The following LTBP2 variants were observed in gnomAD, a reference collection of about 807,000 sequenced individuals.
The protein encoded by LTBP2 is latent transforming growth factor beta binding protein 2.
In LTBP2, 103 loss-of-function variants were observed where a neutral mutation model predicts 210.6. That is an observed-to-expected ratio of 0.49 (90% CI 0.42 to 0.58). The LOEUF (loss-of-function observed/expected upper bound fraction) is 0.58, where lower values mean the gene tolerates loss of function less well. Ranked by LOEUF, LTBP2 falls within the 20% of genes least tolerant of loss-of-function variation. The probability of loss-of-function intolerance (pLI) is 0.00; values close to 1 mark genes in which losing one functional copy is unlikely to be tolerated. For missense variants in LTBP2, 2,313 were observed against 2,494.5 expected, an observed-to-expected ratio of 0.93 and a Z score of 1.55; for synonymous variants, 1,007 against 1,015.0, an observed-to-expected ratio of 0.99 and a Z score of 0.15.
At chr14:74,552,736 G>A (rs2087676985) in intron 5 of LTBP2, among the ~76,000 whole-genome samples, 156 bp downstream of exon 5, 1 of 152,172 alleles carries the variant, frequency 6.6e-6, no homozygotes, top group Non-Finnish European at 1.5e-5. Context: ...CACACAGCTA[G>A]GCTGCCAAGT....
chr14:74,523,505 G>A lies in LTBP2; in HGVS notation c.2531-587C>T, dbSNP rs2087235054. ...TGGATGAACTGGTAAGGGAGGTATA[G>A]TGGGTCCTTAAAACCTGTTGAAATA... On this transcript the variant is annotated intron_variant, in intron 15 of 35. Coordinates refer to ENST00000261978, the MANE Select transcript of LTBP2 (RefSeq NM_000428.3). 1.3e-5 allele frequency among the ~76,000 whole-genome samples: 2 copies of A among 152,106 alleles called. 1 individual carries two copies. The highest frequency in any genetic ancestry group is 1.3e-4 in the Admixed American group (2 of 15,264).
At chr14:74,596,540 G>A (rs11845819) in intron 2 of LTBP2, among the ~76,000 whole-genome samples, 2,299 of 152,348 alleles carry the variant, frequency 0.015, 56 homozygotes, top group African/African-American at 0.053. Context: ...GGGTGAGTGT[G>A]GAGATGCCGC....
chr14:74,564,120 TA>T (rs2087843339), intron 3 of LTBP2, among the ~76,000 whole-genome samples: 3 of 53,322 alleles, frequency 5.6e-5, no homozygotes, highest in African/African-American at 7.9e-5. Flanking sequence ...TTTATATATA[TA>T]TATTTATATA....
chr14:74,520,941 C>G (rs375448488), intron 17 of LTBP2, among the ~76,000 whole-genome samples: 12 of 152,276 alleles, frequency 7.9e-5, no homozygotes, highest in East Asian at 5.8e-4. Flanking sequence ...TCACTCATCT[C>G]AGCATCCTCA....
rs1441455461 is a variant in LTBP2, at chr14:74,516,898, C to T, written c.2832G>A (p.Gln944=). 3 of 1,551,972 alleles carry T rather than the reference C, an allele frequency of 1.9e-6. No individual in the cohort carries two copies. Among genetic ancestry groups the T allele is most frequent in the South Asian group, 1.2e-5 (1 of 84,064 alleles). ...GGTACGAGCCCTCGGTGTTGGTGCA[C>T]TGCCCCCCGCTGCACACCCCTGGCT... The part of the protein sequence containing the change: ...CEQPGVCSGG[Q]CTNTEGSYHC... Residue 944 remains glutamine, a synonymous_variant, in exon 18 of 36, where the codon CAG becomes CAA. Transcript: ENST00000261978.
intron 3 of LTBP2, among the ~76,000 whole-genome samples, chr14:74,570,065 G>C (rs1476558461): frequency 6.6e-6 from 1 of 152,202 alleles, no homozygotes; most frequent in African/African-American, 2.4e-5. Context: ...GCAAGGCAGG[G>C]CCTAGGGACC....
intron 26 of LTBP2, 52 bp from the exon 27 acceptor site, chr14:74,506,875 G>T: frequency 8.6e-7 from 1 of 1,156,270 alleles, no homozygotes. Context: ...GTGTGTGTGT[G>T]TGTGCGCGCG....
intron 1 of LTBP2, among the ~76,000 whole-genome samples, chr14:74,607,679 A>G (rs1383165868): frequency 6.6e-6 from 1 of 152,214 alleles, no homozygotes; most frequent in Non-Finnish European, 1.5e-5. Context: ...AAATTGCAGA[A>G]GAATAATGAA....
intron 9 of LTBP2, among the ~76,000 whole-genome samples, chr14:74,534,554 T>G (rs1177828992): frequency 6.6e-6 from 1 of 152,132 alleles, no homozygotes; most frequent in African/African-American, 2.4e-5. Context: ...GCCCCCACCA[T>G]GGGATCCTGT....
intron 1 of LTBP2, among the ~76,000 whole-genome samples, chr14:74,610,381 C>T (rs903413741): frequency 6.6e-5 from 10 of 152,206 alleles, no homozygotes; most frequent in African/African-American, 2.4e-4. Flanking sequence ...AAACAGAGCG[C>T]CAAGGAAAAC....
At position 74,502,883 on chromosome 14, in the gene LTBP2, G is replaced by T; in HGVS notation, c.4940C>A (p.Ala1647Asp). 1 of 1,613,426 alleles carries T rather than the reference G, an allele frequency of 6.2e-7. No homozygotes were observed. Among genetic ancestry groups the T allele is most frequent in the Non-Finnish European group, 8.5e-7 (1 of 1,180,016 alleles). Residue 1647 changes from alanine to aspartate, a missense_variant, in exon 34 of 36, where the codon GCC becomes GAC. Transcript: ENST00000261978. Reference sequence around the variant, plus strand: ...ATAGCCTGGCCGGAAGTGGACCCCGGCCTCCCGCTCTGCCTCAATGCGAGC... The same window carrying T: ...ATAGCCTGGCCGGAAGTGGACCCCGTCCTCCCGCTCTGCCTCAATGCGAGC... ...NVARIEAEREAGVHFRPGYEY... is the reference protein window; with the variant it reads ...NVARIEAEREDGVHFRPGYEY...
rs140420432 is a variant in LTBP2 at position 74,503,672 on chromosome 14, G to C, written c.4583-66C>G. ...TTTCCACCAACCACCCTCAGGGAAGGGTGTTTGCCTATCACTGATAATGAA... is the reference window on the plus strand; with the variant it reads ...TTTCCACCAACCACCCTCAGGGAAGCGTGTTTGCCTATCACTGATAATGAA... On this transcript the variant is annotated intron_variant, in intron 31 of 35. Transcript: ENST00000261978. 4.4e-6 allele frequency: 7 copies of C among 1,598,068 alleles called. No homozygotes were observed. The African/African-American group carries it at 9.3e-5, about 21-fold the overall frequency.
intron 1 of LTBP2, among the ~76,000 whole-genome samples, chr14:74,604,164 C>CAAACAAAA (rs1273987376): frequency 1.6e-4 from 12 of 72,750 alleles, no homozygotes; most frequent in African/African-American, 6.0e-4. Context: ...TGCCTCTCAC[C>CAAACAAAA]AAAAAAAAAA....
intron 8 of LTBP2, among the ~76,000 whole-genome samples, chr14:74,542,326 C>T (rs1435701973): frequency 6.6e-6 from 1 of 152,208 alleles, no homozygotes; most frequent in Non-Finnish European, 1.5e-5. Flanking sequence ...CTCTCCCCCT[C>T]GGCTGCTGGG....
intron 2 of LTBP2, among the ~76,000 whole-genome samples, chr14:74,591,169 C>T (rs1041982051): frequency 6.6e-6 from 1 of 152,106 alleles, no homozygotes; most frequent in Non-Finnish European, 1.5e-5. Context: ...GACTGGGTGC[C>T]GAGGCCAGAA....
Position 74,500,412 on chromosome 14 carries a change from C to G in LTBP2, c.*472G>C. On this transcript the variant is annotated 3_prime_UTR_variant, in exon 36 of 36. Coordinates refer to ENST00000261978, the MANE Select transcript of LTBP2 (RefSeq NM_000428.3). ...TAGGAGGGGGCTCTGGAGTCAGTCC[C>G]CAAGCTTCCCCAAATCCTTTCTTGC... 1 of 354,746 alleles carries G rather than the reference C, an allele frequency of 2.8e-6. No individual in the cohort carries two copies. The highest frequency in any genetic ancestry group is 5.3e-6 in the Non-Finnish European group (1 of 188,312). The allele number at this position is 354,746 out of a possible 1,614,324, so 22.0% of individuals were successfully genotyped here.
chr14:74,500,771 T>C lies in LTBP2; in HGVS notation c.*113A>G. On this transcript the variant is annotated 3_prime_UTR_variant, in exon 36 of 36. Transcript: ENST00000261978. Reference sequence around the variant, plus strand: ...AGAGATGAAAGCAGGCAAGGCTGATTGGAAACCTCTGGCCTGATGTCACGG... The same window carrying C: ...AGAGATGAAAGCAGGCAAGGCTGATCGGAAACCTCTGGCCTGATGTCACGG... The C allele has an allele frequency of 5.6e-6, 8 of 1,428,870 alleles. No individual in the cohort carries two copies. Among genetic ancestry groups the C allele is most frequent in the Non-Finnish European group, 6.9e-6 (7 of 1,017,674 alleles). 88.5% of individuals were successfully genotyped at this position (1,428,870 alleles called of 1,614,324 possible). A position where few individuals can be genotyped will look rare whatever the true frequency, so the allele number is the denominator to read the frequency against.
intron 3 of LTBP2, among the ~76,000 whole-genome samples, chr14:74,577,732 C>T (rs999058443): frequency 6.6e-6 from 1 of 151,498 alleles, no homozygotes; most frequent in Non-Finnish European, 1.5e-5. Context: ...GTCTTGCACT[C>T]CTGACCTCCA....
intron 3 of LTBP2, among the ~76,000 whole-genome samples, chr14:74,582,730 C>T (rs1256387677): frequency 1.3e-5 from 2 of 152,178 alleles, no homozygotes; most frequent in Admixed American, 6.5e-5. Context: ...AAATATGGTC[C>T]GTGGCCCAGT....
Sources: gnomAD v4.1 joint callset for allele counts (sites outside exome capture counted in the v4.1 genomes callset) on GRCh38, gnomAD v4.1.1 for gene constraint, MANE v1.5 for transcripts, NCBI Gene and HGNC (gene_info 2026-07-23, HGNC 2026-07-21) for gene names.